The following AVEN variants were observed in gnomAD, a reference collection of about 807,000 sequenced individuals.
AVEN encodes the protein apoptosis and caspase activation inhibitor, also known as cell death regulator Aven.
A neutral mutation model predicts 38.1 loss-of-function variants in AVEN; 41 were observed. That is an observed-to-expected ratio of 1.08 (90% CI 0.84 to 1.40). The LOEUF is 1.40. Ranked by LOEUF, AVEN falls within the 40% of genes most tolerant of loss-of-function variation. The pLI is 0.00. For synonymous variants in AVEN, 206 were observed against 171.8 expected (o/e 1.20, Z -1.56); for missense variants, 605 against 438.8 (o/e 1.38, Z -3.38).
chr15:33,904,087 T>A (rs1157463080), intron 2 of AVEN, among the ~76,000 whole-genome samples: 3 of 152,194 alleles, frequency 2.0e-5, no homozygotes, highest in Non-Finnish European at 4.4e-5. Flanking sequence ...GACCAAAACA[T>A]CATTATGCAG....
chr15:33,994,024 T>C (rs767056389), intron 2 of AVEN, among the ~76,000 whole-genome samples: 5 of 152,208 alleles, frequency 3.3e-5, no homozygotes, highest in Non-Finnish European at 5.9e-5. Flanking sequence ...CTGTGAACAT[T>C]TGGGCACACA....
chr15:33,890,797 A>G (rs897062683), intron 2 of AVEN, among the ~76,000 whole-genome samples: 1 of 152,198 alleles, frequency 6.6e-6, no homozygotes, highest in Non-Finnish European at 1.5e-5. Context: ...CTAGCTGATG[A>G]GCTATGAACA....
At chr15:33,863,073 G>T (rs997777232), downstream of AVEN, among the ~76,000 whole-genome samples, 1 of 152,192 alleles carries the variant, frequency 6.6e-6, no homozygotes. Context: ...GAAGGATGCT[G>T]TCCTTTGGGT....
At position 33,983,223 on chromosome 15, in the gene AVEN, T is replaced by TAC. The variant is rs1555512827; in HGVS notation, c.445+19807_445+19808dup. ...GTGTATATATATATATACATATATA[T>TAC]ACACACACATACACACACACACATA... On this transcript the variant is annotated intron_variant, in intron 2 of 5. Transcript: ENST00000306730. 5.1e-3 allele frequency among the ~76,000 whole-genome samples: 559 copies of TAC among 110,674 alleles called. 9 individuals carry two copies. Among genetic ancestry groups the TAC allele is most frequent in the African/African-American group, 0.022 (528 of 24,424 alleles). 72.6% of individuals were successfully genotyped at this position (110,674 alleles called of 152,430 possible).
chr15:34,008,019 A>G (rs1333650388), intron 1 of AVEN, among the ~76,000 whole-genome samples: 1 of 152,154 alleles, frequency 6.6e-6, no homozygotes, highest in Non-Finnish European at 1.5e-5. Flanking sequence ...TCTGCAAACA[A>G]CCTATTTCCA....
chr15:33,962,021 T>C (rs2140473540), intron 2 of AVEN, among the ~76,000 whole-genome samples: 1 of 152,180 alleles, frequency 6.6e-6, no homozygotes, highest in African/African-American at 2.4e-5. Flanking sequence ...AGAGTGGCTA[T>C]TTCCAACCAC....
At chr15:33,983,930 GAAAAA>G (rs11353733) in intron 2 of AVEN, among the ~76,000 whole-genome samples, 1 of 143,024 alleles carries the variant, frequency 7.0e-6, no homozygotes, top group African/African-American at 2.5e-5. Flanking sequence ...GCCTCATCAT[GAAAAA>G]AAAAAAAATC....
chr15:33,948,484 G>C (rs1894593670), intron 2 of AVEN, among the ~76,000 whole-genome samples: 1 of 150,046 alleles, frequency 6.7e-6, no homozygotes, highest in African/African-American at 2.5e-5. Context: ...TAAAAATAAA[G>C]TAACAATACT....
chr15:33,967,743 G>T lies in AVEN; in HGVS notation c.445+35289C>A, dbSNP rs542785619. Among the ~76,000 whole-genome samples the T allele has an allele frequency of 2.2e-4, 34 of 151,814 alleles. 1 individual carries two copies. Among genetic ancestry groups the T allele is most frequent in the Middle Eastern group, 3.4e-3 (1 of 294 alleles). ...AATTTGAATTTTAAATTTAAAAACTGAAGTGCAAAAATTATGAAATTGACA... is the reference window on the plus strand; with the variant it reads ...AATTTGAATTTTAAATTTAAAAACTTAAGTGCAAAAATTATGAAATTGACA... On this transcript the variant is annotated intron_variant, in intron 2 of 5. Transcript: ENST00000306730.
At chr15:33,993,899 C>CA (rs1896829571) in intron 2 of AVEN, among the ~76,000 whole-genome samples, 1 of 152,194 alleles carries the variant, frequency 6.6e-6, no homozygotes, top group Non-Finnish European at 1.5e-5. Flanking sequence ...ATTCTGTGGG[C>CA]ATGTTTCTTT....
At chr15:34,051,637 A>G (rs1899928018) in intron 5 of AVEN, among the ~76,000 whole-genome samples, 2 of 152,148 alleles carry the variant, frequency 1.3e-5, no homozygotes, top group African/African-American at 4.8e-5. Context: ...AATAAACACA[A>G]TCATAAATGA....
At chr15:34,030,648 A>AG (rs781179000) in intron 1 of AVEN, among the ~76,000 whole-genome samples, 38 of 151,602 alleles carry the variant, frequency 2.5e-4, no homozygotes, top group Admixed American at 4.6e-4. Context: ...GGTTTTGTTG[A>AG]GAAAGAGTCT....
At chr15:33,922,640 C>G (rs1893444720) in intron 2 of AVEN, among the ~76,000 whole-genome samples, 1 of 152,020 alleles carries the variant, frequency 6.6e-6, no homozygotes, top group South Asian at 2.1e-4. Flanking sequence ...ACTATGTTGC[C>G]CAGGCTGGTC....
At chr15:33,923,590 A>T (rs920129934) in intron 2 of AVEN, among the ~76,000 whole-genome samples, 1 of 152,246 alleles carries the variant, frequency 6.6e-6, no homozygotes, top group Admixed American at 6.5e-5. Flanking sequence ...TCAATAAGTA[A>T]ATAAATGGGT....
At chr15:33,917,122 A>G (rs1893168136) in intron 2 of AVEN, among the ~76,000 whole-genome samples, 2 of 152,112 alleles carry the variant, frequency 1.3e-5, no homozygotes, top group African/African-American at 4.8e-5. Flanking sequence ...GGGTGGGGAC[A>G]CAGTCAAACC....
chr15:33,853,186 CT>C, the AVEN span: 2 of 1,069,468 alleles, frequency 1.9e-6, no homozygotes, highest in African/African-American at 1.6e-5. Flanking sequence ...TGTGATGCTA[CT>C]TTTATGATAA....
chr15:33,964,341 G>C (rs1895308824), intron 2 of AVEN, among the ~76,000 whole-genome samples: 1 of 152,110 alleles, frequency 6.6e-6, no homozygotes, highest in Non-Finnish European at 1.5e-5. Flanking sequence ...GACAAATTAG[G>C]AAAGAGCCAA....
chr15:34,018,680 G>C (rs1393831546), intron 1 of AVEN, among the ~76,000 whole-genome samples: 1 of 152,202 alleles, frequency 6.6e-6, no homozygotes, highest in Non-Finnish European at 1.5e-5. Context: ...GGACTCCAGT[G>C]GGTTGCTGCT....
At chr15:33,973,760 G>C (rs1273394205) in intron 2 of AVEN, among the ~76,000 whole-genome samples, 1 of 152,120 alleles carries the variant, frequency 6.6e-6, no homozygotes, top group East Asian at 1.9e-4. Context: ...TCATGGTTGA[G>C]GGCCTTAAGA....
Sources: gnomAD v4.1 joint callset for allele counts (sites outside exome capture counted in the v4.1 genomes callset) on GRCh38, gnomAD v4.1.1 for gene constraint, MANE v1.5 for transcripts, NCBI Gene and HGNC (gene_info 2026-07-23, HGNC 2026-07-21) for gene names.